The following WDR27 variants were observed in gnomAD, a reference collection of about 807,000 sequenced individuals.
WDR27 encodes WD repeat domain 27, also known as WD repeat-containing protein 27.
Under a neutral mutation model 114.4 loss-of-function variants are expected in WDR27, and 100 were observed. The ratio of observed to expected loss-of-function variants is 0.87; its 90% CI spans 0.74 to 1.03. The LOEUF (loss-of-function observed/expected upper bound fraction) is 1.03. WDR27 is among the 50% of genes least tolerant of loss of function. WDR27 has a pLI of 0.00. For synonymous variants in WDR27, 449 were observed against 423.1 expected, an observed-to-expected ratio of 1.06 and a Z score of -0.75; for missense variants, 1,129 against 1,092.9, an observed-to-expected ratio of 1.03 and a Z score of -0.47.
At chr6:169,651,321 T>C (rs1207417158) in intron 14 of WDR27, among the ~76,000 whole-genome samples, 4 of 151,966 alleles carry the variant, frequency 2.6e-5, no homozygotes, top group Non-Finnish European at 4.4e-5. Context: ...TTTTGGCCGC[T>C]ATGTTAAGAG....
chr6:169,653,702 A>G (rs1823221593), intron 13 of WDR27, among the ~76,000 whole-genome samples: 1 of 152,218 alleles, frequency 6.6e-6, no homozygotes, highest in African/African-American at 2.4e-5. Context: ...GCCAGAAGAA[A>G]TATGTGCTTC....
At chr6:169,502,936 C>A (rs1262047226) in intron 25 of WDR27, among the ~76,000 whole-genome samples, 2 of 152,182 alleles carry the variant, frequency 1.3e-5, no homozygotes, top group Non-Finnish European at 2.9e-5. Context: ...AGGCTTCCCC[C>A]AAACACTTTT....
intron 4 of WDR27, 56 bp downstream of exon 4, chr6:169,670,513 T>A: frequency 6.2e-7 from 1 of 1,608,248 alleles, no homozygotes; most frequent in Non-Finnish European, 8.5e-7. Context: ...TCCCAGAACC[T>A]GGGAGGCCCC....
At chr6:169,553,256 G>A (rs1489402685) in intron 25 of WDR27, among the ~76,000 whole-genome samples, 2 of 151,978 alleles carry the variant, frequency 1.3e-5, no homozygotes, top group Non-Finnish European at 2.9e-5. Context: ...GGGAGCCGCC[G>A]ACCTCTCACT....
chr6:169,461,467 T>G (rs922070253), intron 25 of WDR27, among the ~76,000 whole-genome samples: 2 of 151,914 alleles, frequency 1.3e-5, no homozygotes, highest in African/African-American at 4.8e-5. Context: ...AAGTTAAACC[T>G]GAAAAGTCAA....
At chr6:169,661,357 G>A (rs939813465) in intron 9 of WDR27, among the ~76,000 whole-genome samples, 5 of 152,220 alleles carry the variant, frequency 3.3e-5, no homozygotes, top group Non-Finnish European at 7.3e-5. Flanking sequence ...TAGCTGGCCC[G>A]AGGCGGCAGA....
intron 25 of WDR27, among the ~76,000 whole-genome samples, chr6:169,511,469 C>A (rs1046115305): frequency 6.6e-6 from 1 of 151,882 alleles, no homozygotes; most frequent in Non-Finnish European, 1.5e-5. Flanking sequence ...AACTTTGAAC[C>A]CCAAATAAAG....
chr6:169,573,885 G>C (rs1485781291), intron 24 of WDR27, among the ~76,000 whole-genome samples: 1 of 152,212 alleles, frequency 6.6e-6, no homozygotes, highest in South Asian at 2.1e-4. Flanking sequence ...TCTGTGGTTT[G>C]AGATACTTCT....
In WDR27 at chr6:169,537,873, G is replaced by A. The variant is rs1796373883; in HGVS notation, c.2645+34546C>T. ...AGAAGGGTTTGGGTTATGTATTAAA[G>A]TAATGACCAGGAGTGTGAAAATCAT... On this transcript the variant is annotated intron_variant, in intron 25 of 25. Transcript: ENST00000448612. 2.0e-5 allele frequency among the ~76,000 whole-genome samples: 3 copies of A among 152,208 alleles called. No individual in the cohort carries two copies. The South Asian group carries it at 6.2e-4, about 32-fold the overall frequency.
At chr6:169,495,694 A>C (rs897623189) in intron 25 of WDR27, among the ~76,000 whole-genome samples, 2 of 152,096 alleles carry the variant, frequency 1.3e-5, no homozygotes, top group Non-Finnish European at 2.9e-5. Context: ...AAATTCCTAT[A>C]AACATAAAAT....
Position 169,699,497 on chromosome 6 carries a change from G to A in WDR27, c.-8+2054C>T, listed in dbSNP as rs568996417. ...ACACAGACCAGAAGCTGCTGTGCTC[G>A]TGAGGACACGATGAAGCCTAAGAAG... On this transcript the variant is annotated intron_variant, in intron 1 of 25. Transcript: ENST00000448612. 7.9e-5 allele frequency among the ~76,000 whole-genome samples: 12 copies of A among 152,294 alleles called. No individual in the cohort carries two copies. In the East Asian group the frequency reaches 1.9e-3, roughly 25 times the overall value.
At chr6:169,658,117 G>T in intron 13 of WDR27, 159 bp downstream of exon 13, 1 of 617,720 alleles carries the variant, frequency 1.6e-6, no homozygotes, top group Non-Finnish European at 2.9e-6. Flanking sequence ...AGCGGACATG[G>T]AACACGCACG....
chr6:169,582,726 G>A, intron 24 of WDR27, 110 bp downstream of exon 24: 1 of 773,580 alleles, frequency 1.3e-6, no homozygotes, highest in Non-Finnish European at 2.0e-6. Flanking sequence ...ACACTGGCAT[G>A]TAACCTTAAG....
intron 25 of WDR27, among the ~76,000 whole-genome samples, chr6:169,569,877 AG>A (rs1209201495): frequency 6.6e-6 from 1 of 152,156 alleles, no homozygotes; most frequent in Non-Finnish European, 1.5e-5. Context: ...TAGGGCAGCT[AG>A]AATTGTTTAA....
intron 1 of WDR27, among the ~76,000 whole-genome samples, chr6:169,696,648 C>G (rs946059991): frequency 3.3e-5 from 5 of 152,258 alleles, no homozygotes; most frequent in African/African-American, 1.2e-4. Context: ...GGCACAGTGG[C>G]TCACGCCTGT....
intron 9 of WDR27, 57 bp downstream of exon 9, chr6:169,662,246 AT>A: frequency 6.3e-7 from 1 of 1,578,266 alleles, no homozygotes; most frequent in Non-Finnish European, 8.7e-7. Flanking sequence ...CCTAATGTTC[AT>A]CTAAGGAATT....
At chr6:169,630,622 G>A (rs1294434503) in intron 21 of WDR27, among the ~76,000 whole-genome samples, 5 of 152,222 alleles carry the variant, frequency 3.3e-5, no homozygotes, top group South Asian at 2.1e-4. Flanking sequence ...TTGGTCGGGC[G>A]CAGTGGCTCA....
rs9396987 is a variant in WDR27, at chr6:169,625,771, G to T, written c.2223+7176C>A. ...CACCCCTACTCCGTCTGGGGCTCTGGGGGGGATGAGGATGCCCCGTGCTCC... is the reference window on the plus strand; with the variant it reads ...CACCCCTACTCCGTCTGGGGCTCTGTGGGGGATGAGGATGCCCCGTGCTCC... On this transcript the variant is annotated intron_variant, in intron 21 of 25. Coordinates refer to ENST00000448612, the MANE Select transcript of WDR27 (RefSeq NM_182552.5). 2.6e-5 allele frequency among the ~76,000 whole-genome samples: 4 copies of T among 152,308 alleles called. No individual in the cohort carries two copies. The East Asian group carries it at 7.7e-4, about 29-fold the overall frequency.
intron 1 of WDR27, among the ~76,000 whole-genome samples, chr6:169,693,567 A>G (rs183179352): frequency 1.3e-3 from 201 of 152,348 alleles, no homozygotes; most frequent in African/African-American, 4.7e-3. Context: ...ACACCAATCA[A>G]GTATCTGGTG....
Sources: allele counts gnomAD v4.1 joint callset (sites outside exome capture counted in the v4.1 genomes callset), GRCh38; gene constraint gnomAD v4.1.1; transcripts MANE v1.5; gene names NCBI Gene and HGNC (gene_info 2026-07-23, HGNC 2026-07-21).